The following WDPCP variants were observed in gnomAD, a reference collection of about 807,000 sequenced individuals.
WDPCP encodes WD repeat-containing and planar cell polarity effector protein fritz homolog.
Under a neutral mutation model 93.1 loss-of-function variants are expected in WDPCP, and 71 were observed. That is an observed-to-expected ratio of 0.76 (90% CI 0.63 to 0.93). The LOEUF (loss-of-function observed/expected upper bound fraction) is 0.93. WDPCP is among the 40% of genes least tolerant of loss of function. The probability of loss-of-function intolerance (pLI) is 0.00; values close to 1 mark genes in which losing one functional copy is unlikely to be tolerated. For missense variants in WDPCP, 844 were observed against 887.4 expected, an observed-to-expected ratio of 0.95 and a Z score of 0.62; for synonymous variants, 315 against 315.0, an observed-to-expected ratio of 1.00 and a Z score of 0.00.
At chr2:63,165,850 C>A (rs1176889588) in intron 15 of WDPCP, among the ~76,000 whole-genome samples, 10 of 151,592 alleles carry the variant, frequency 6.6e-5, no homozygotes, top group Admixed American at 6.6e-4. Context: ...TTTGTTTTCT[C>A]TCCTTTTTTT....
At chr2:63,162,211 G>A (rs189907935) in intron 15 of WDPCP, among the ~76,000 whole-genome samples, 7 of 152,178 alleles carry the variant, frequency 4.6e-5, no homozygotes, top group Admixed American at 2.6e-4. Flanking sequence ...CAGCATGCAA[G>A]TTCAGAAAGA....
At chr2:63,353,322 T>G (rs1689769833) in intron 12 of WDPCP, among the ~76,000 whole-genome samples, 1 of 152,092 alleles carries the variant, frequency 6.6e-6, no homozygotes, top group Non-Finnish European at 1.5e-5. Flanking sequence ...AGTGGGAGGT[T>G]AGACATTGGA....
intron 6 of WDPCP, among the ~76,000 whole-genome samples, chr2:63,457,814 T>C (rs1312885315): frequency 2.0e-5 from 3 of 152,080 alleles, no homozygotes; most frequent in African/African-American, 7.2e-5. Flanking sequence ...TCATACTGAA[T>C]AAGGAAAGGT....
chr2:63,324,259 C>G (rs561830322), intron 12 of WDPCP, among the ~76,000 whole-genome samples: 1 of 152,304 alleles, frequency 6.6e-6, no homozygotes, highest in East Asian at 1.9e-4. Context: ...TTGCAATTTA[C>G]ATCCCCCAGG....
At position 63,721,987 on chromosome 2, in the gene WDPCP, TCC is replaced by T. The variant is rs1230653754; in HGVS notation, n.309-71151_309-71150del. Among the ~76,000 whole-genome samples the T allele has an allele frequency of 2.0e-5, 3 of 152,162 alleles. No individual in the cohort carries two copies. In the East Asian group the frequency reaches 5.8e-4, roughly 30 times the overall value. ...CGCAAGTGATCCACCAGCCTCGGCC[TCC>T]CGAGGTGCCGGGATTGCAGACGGAG... On this transcript the variant is annotated intron_variant and non_coding_transcript_variant, in intron 2 of 4. Coordinates refer to the WDPCP transcript ENST00000467687.
chr2:63,501,111 T>C (rs1351152548), intron 1 of WDPCP, among the ~76,000 whole-genome samples: 1 of 152,208 alleles, frequency 6.6e-6, no homozygotes, highest in Non-Finnish European at 1.5e-5. Context: ...ATTCAATAAA[T>C]ACCAAAGGTA....
At chr2:63,335,239 A>G (rs1270825707) in intron 12 of WDPCP, among the ~76,000 whole-genome samples, 2 of 152,082 alleles carry the variant, frequency 1.3e-5, no homozygotes. Flanking sequence ...CCCTTTAAAT[A>G]CTGAAGTCCC....
chr2:63,464,212 T>C (rs949443536), intron 6 of WDPCP, among the ~76,000 whole-genome samples: 3 of 152,144 alleles, frequency 2.0e-5, no homozygotes, highest in Non-Finnish European at 2.9e-5. Context: ...AGGACTTAAA[T>C]AGACATTTCT....
intron 2 of WDPCP, among the ~76,000 whole-genome samples, chr2:63,674,712 C>T (rs988274393): frequency 7.5e-5 from 6 of 80,408 alleles, no homozygotes; most frequent in African/African-American, 2.2e-4. Context: ...GTGTTCTTGA[C>T]GCTACAAAAA....
upstream of WDPCP, chr2:63,593,703 T>C (rs1709245922): frequency 2.1e-6 from 1 of 471,210 alleles, no homozygotes; most frequent in Admixed American, 2.3e-5. Context: ...CTTAACTGAA[T>C]TTTTCTGTCT....
chr2:63,468,288 G>A (rs910291628), intron 6 of WDPCP, among the ~76,000 whole-genome samples: 1 of 152,028 alleles, frequency 6.6e-6, no homozygotes, highest in Non-Finnish European at 1.5e-5. Flanking sequence ...TCTCTCACAT[G>A]GCTAGTACTA....
chr2:63,424,040 G>A (rs1417328781), intron 9 of WDPCP, among the ~76,000 whole-genome samples: 1 of 152,076 alleles, frequency 6.6e-6, no homozygotes, highest in Admixed American at 6.5e-5. Context: ...TGAGCACCAG[G>A]ACAGCAATCC....
intron 9 of WDPCP, among the ~76,000 whole-genome samples, chr2:63,432,751 A>G (rs574942326): frequency 9.1e-4 from 139 of 152,286 alleles, no homozygotes; most frequent in African/African-American, 3.3e-3. Flanking sequence ...TTCAGGATCC[A>G]TAGAAGCACT....
intron 10 of WDPCP, among the ~76,000 whole-genome samples, chr2:63,383,811 T>C (rs1692515440): frequency 6.6e-6 from 1 of 152,142 alleles, no homozygotes; most frequent in Non-Finnish European, 1.5e-5. Flanking sequence ...TAGGAAATAC[T>C]TGAAAAACAC....
At chr2:63,634,297 T>C (rs1709899071) in intron 3 of WDPCP, among the ~76,000 whole-genome samples, 1 of 151,908 alleles carries the variant, frequency 6.6e-6, no homozygotes, top group Admixed American at 6.6e-5. Flanking sequence ...GTCAAAATAA[T>C]GATAAAGGGG....
chr2:63,266,249 A>G (rs1682107832), intron 13 of WDPCP, among the ~76,000 whole-genome samples: 1 of 152,224 alleles, frequency 6.6e-6, no homozygotes, highest in South Asian at 2.1e-4. Context: ...TACATACAGA[A>G]AAAACAAAAA....
intron 12 of WDPCP, among the ~76,000 whole-genome samples, chr2:63,362,272 T>TGG (rs1230787852): frequency 2.4e-5 from 3 of 125,426 alleles, no homozygotes; most frequent in Non-Finnish European, 3.2e-5. Flanking sequence ...TTTTTTTTTT[T>TGG]TTGGTTGTGT....
chr2:63,162,537 G>A (rs565704031), intron 15 of WDPCP, among the ~76,000 whole-genome samples: 2 of 152,254 alleles, frequency 1.3e-5, no homozygotes, highest in East Asian at 3.9e-4. Flanking sequence ...TATTTCATAG[G>A]TGGGGATAAA....
chr2:63,242,125 T>C (rs1679903954), intron 14 of WDPCP, among the ~76,000 whole-genome samples: 2 of 152,188 alleles, frequency 1.3e-5, no homozygotes, highest in Admixed American at 6.6e-5. Flanking sequence ...GATCTTTATC[T>C]TTTACATTCT....
Sources: gnomAD v4.1 joint callset for allele counts (sites outside exome capture counted in the v4.1 genomes callset) on GRCh38, gnomAD v4.1.1 for gene constraint, MANE v1.5 for transcripts, NCBI Gene and HGNC (gene_info 2026-07-23, HGNC 2026-07-21) for gene names.